The following DLGAP2 variants were observed in gnomAD, a reference collection of about 807,000 sequenced individuals.
DLGAP2 encodes the protein DLG associated protein 2, also known as disks large-associated protein 2.
In DLGAP2, 26 loss-of-function variants were observed where a neutral mutation model predicts 100.3. That is an observed-to-expected ratio of 0.26 (90% CI 0.19 to 0.36). The LOEUF is 0.36. DLGAP2 is among the 10% of genes least tolerant of loss of function. The pLI is 1.00. For synonymous variants in DLGAP2, 886 were observed against 630.1 expected (o/e 1.41, Z -6.08); for missense variants, 1,858 against 1,453.2 (o/e 1.28, Z -4.53).
intron 2 of DLGAP2, among the ~76,000 whole-genome samples, chr8:1,177,241 G>T (rs1471758573): frequency 1.3e-5 from 2 of 152,050 alleles, no homozygotes; most frequent in Admixed American, 1.3e-4. Flanking sequence ...TCCTGTGATT[G>T]TGCTTTATTT....
At chr8:967,545 T>C (rs1799901828) in intron 2 of DLGAP2, among the ~76,000 whole-genome samples, 1 of 151,756 alleles carries the variant, frequency 6.6e-6, no homozygotes, top group Non-Finnish European at 1.5e-5. Flanking sequence ...AAACCTAGAA[T>C]TCAATTCAGA....
intron 1 of DLGAP2, among the ~76,000 whole-genome samples, chr8:865,427 C>T (rs894385042): frequency 7.2e-5 from 11 of 152,178 alleles, no homozygotes; most frequent in Non-Finnish European, 1.0e-4. Context: ...TGATTTGCGG[C>T]GTCAGGTCTA....
intron 1 of DLGAP2, among the ~76,000 whole-genome samples, chr8:889,943 CAA>C (rs1283840241): frequency 6.6e-6 from 1 of 152,148 alleles, no homozygotes; most frequent in Non-Finnish European, 1.5e-5. Flanking sequence ...GTGGGAAAAG[CAA>C]AGTTTCCCCC....
intron 8 of DLGAP2, among the ~76,000 whole-genome samples, chr8:1,645,337 C>T (rs1464076896): frequency 6.6e-6 from 1 of 152,182 alleles, no homozygotes; most frequent in Non-Finnish European, 1.5e-5. Context: ...ATAGTCAACA[C>T]ATTATAAAAC....
intron 5 of DLGAP2, among the ~76,000 whole-genome samples, chr8:1,552,374 G>A (rs1252282511): frequency 6.6e-6 from 1 of 152,174 alleles, no homozygotes; most frequent in Non-Finnish European, 1.5e-5. Context: ...CATGCAGCTC[G>A]GTGACTTCTC....
In DLGAP2 at chr8:1,707,682, C is replaced by T. The variant is rs1799743923; in HGVS notation, c.*6276C>T. 1 of 152,114 alleles carries T rather than the reference C, an allele frequency of 6.6e-6. No individual in the cohort carries two copies. The highest frequency in any genetic ancestry group is 2.4e-5 in the African/African-American group (1 of 41,404). The allele number at this position is 152,114 out of a possible 1,614,324, so 9.4% of individuals were successfully genotyped here. ...CTTCCATACTACAGACCAAAATACC[C>T]AGGTGTGGCCTAAGGACTATATTAA... is the stretch of plus-strand genomic sequence containing the variant. On this transcript the variant is annotated 3_prime_UTR_variant, in exon 15 of 15. Transcript: ENST00000637795.
At chr8:1,528,931 G>C (rs544805571) in intron 4 of DLGAP2, among the ~76,000 whole-genome samples, 5 of 152,216 alleles carry the variant, frequency 3.3e-5, no homozygotes, top group Non-Finnish European at 7.3e-5. Flanking sequence ...TTAAAAATCA[G>C]TTCTTTCCTC....
At chr8:764,833 G>A (rs1317975781) in intron 1 of DLGAP2, among the ~76,000 whole-genome samples, 3 of 152,020 alleles carry the variant, frequency 2.0e-5, no homozygotes, top group Non-Finnish European at 4.4e-5. Flanking sequence ...CTAAATACTA[G>A]CCACAGAACT....
chr8:1,121,529 C>T (rs1175221679), intron 2 of DLGAP2, among the ~76,000 whole-genome samples: 2 of 151,942 alleles, frequency 1.3e-5, no homozygotes, highest in African/African-American at 4.8e-5. Flanking sequence ...ACCACCTATC[C>T]TTGTTCCTTC....
rs78950640 is a variant in DLGAP2, at chr8:1,042,537, G to A, written c.73+134571G>A. ...ATGGTGGTGAGAAGAGCCGTGAAGC[G>A]TAGCCCAGGAAAGCACCGCCGGTAT... On this transcript the variant is annotated intron_variant, in intron 2 of 14. Coordinates refer to ENST00000637795, the MANE Select transcript of DLGAP2 (RefSeq NM_001346810.2). Among the ~76,000 whole-genome samples, 255 of 152,270 alleles carry A rather than the reference G, an allele frequency of 1.7e-3. 1 individual carries two copies. Among genetic ancestry groups the A allele is most frequent in the African/African-American group, 5.8e-3 (240 of 41,566 alleles).
chr8:752,631 C>T (rs1820820755), intron 1 of DLGAP2, among the ~76,000 whole-genome samples: 1 of 152,102 alleles, frequency 6.6e-6, no homozygotes, highest in Non-Finnish European at 1.5e-5. Flanking sequence ...GTGGGGGCTG[C>T]CCAGAAGATG....
intron 3 of DLGAP2, among the ~76,000 whole-genome samples, chr8:1,316,415 G>A (rs1380177943): frequency 3.0e-5 from 4 of 135,342 alleles, no homozygotes; most frequent in East Asian, 2.2e-4. Context: ...GAGCGTGTGC[G>A]AGTGCAGCGT....
intron 1 of DLGAP2, among the ~76,000 whole-genome samples, chr8:819,053 C>G (rs919223445): frequency 2.0e-5 from 3 of 152,166 alleles, no homozygotes; most frequent in Non-Finnish European, 4.4e-5. Flanking sequence ...GACTAATAAG[C>G]ATCAGTCTCA....
intron 6 of DLGAP2, among the ~76,000 whole-genome samples, chr8:1,622,964 C>G (rs1225890913): frequency 6.6e-6 from 1 of 152,146 alleles, no homozygotes; most frequent in African/African-American, 2.4e-5. Context: ...GTGCATCCCC[C>G]CATCTTGATT....
chr8:1,225,726 T>A (rs1370590547), intron 2 of DLGAP2, among the ~76,000 whole-genome samples: 1 of 152,196 alleles, frequency 6.6e-6, no homozygotes, highest in Non-Finnish European at 1.5e-5. Context: ...GAGCTCTTGG[T>A]CCAAGGACAG....
chr8:1,330,729 C>T (rs1273322154), intron 3 of DLGAP2, among the ~76,000 whole-genome samples: 3 of 125,992 alleles, frequency 2.4e-5, no homozygotes, highest in Admixed American at 8.4e-5. Context: ...AGCGCCACTT[C>T]ACCAGGACTG....
At chr8:1,458,902 C>T (rs1359355487) in intron 3 of DLGAP2, among the ~76,000 whole-genome samples, 4 of 152,200 alleles carry the variant, frequency 2.6e-5, no homozygotes, top group Non-Finnish European at 5.9e-5. Context: ...GGCCTCTGGC[C>T]ACTCAGCATC....
chr8:975,079 A>G (rs911287965), intron 2 of DLGAP2, among the ~76,000 whole-genome samples: 3 of 152,224 alleles, frequency 2.0e-5, no homozygotes, highest in Non-Finnish European at 2.9e-5. Flanking sequence ...TGATTCCAGG[A>G]ACATTAAAAA....
intron 2 of DLGAP2, among the ~76,000 whole-genome samples, chr8:1,147,273 T>G (rs1209891973): frequency 6.6e-6 from 1 of 151,388 alleles, no homozygotes; most frequent in Admixed American, 6.5e-5. Flanking sequence ...AAATGATGCT[T>G]TTGTAAAAAT....
Sources: gnomAD v4.1 joint callset for allele counts (sites outside exome capture counted in the v4.1 genomes callset) on GRCh38, gnomAD v4.1.1 for gene constraint, MANE v1.5 for transcripts, NCBI Gene and HGNC (gene_info 2026-07-23, HGNC 2026-07-21) for gene names.